CCDC86: variants seen among roughly 807,000 people sequenced by gnomAD.
CCDC86 encodes coiled-coil domain-containing protein 86.
In CCDC86, 28 loss-of-function variants were observed where a neutral mutation model predicts 36.7. The observed-to-expected ratio is 0.76, with a 90% CI of 0.57 to 1.05. The LOEUF (loss-of-function observed/expected upper bound fraction) is 1.05, where lower values mean the gene tolerates loss of function less well. CCDC86 is among the 50% of genes least tolerant of loss of function. The pLI, the probability that CCDC86 is intolerant of heterozygous loss-of-function variation, is 0.00. For missense variants in CCDC86, 453 were observed against 470.2 expected, an observed-to-expected ratio of 0.96 and a Z score of 0.34; for synonymous variants, 199 against 203.4, an observed-to-expected ratio of 0.98 and a Z score of 0.18.
chr11:60,847,135 G>A (rs1855194957), intron 1 of CCDC86, among the ~76,000 whole-genome samples: 1 of 150,762 alleles, frequency 6.6e-6, no homozygotes, highest in South Asian at 2.1e-4. Flanking sequence ...CCAGGCTGGA[G>A]TGCAGTGGCG....
chr11:60,850,272 AC>A lies in CCDC86; in HGVS notation c.1033del (p.Leu345TrpfsTer126). On this transcript the variant is annotated frameshift_variant, in exon 4 of 4. Transcript: ENST00000227520. LOFTEE classifies it high-confidence loss of function. The part of the protein sequence containing the change: ...KQLRSIEKRD[T>X]LALLQKQPPQ... ...GCTGCGCTCCATTGAGAAGCGGGAC[AC>A]CCTGGCCCTGCTGCAGAAGCAGCCG... 6.2e-7 allele frequency: 1 copy of A among 1,614,130 alleles called. No individual in the cohort carries two copies. Among genetic ancestry groups the A allele is most frequent in the Non-Finnish European group, 8.5e-7 (1 of 1,180,008 alleles).
Position 60,842,154 on chromosome 11 carries a change from G to T in CCDC86, c.30G>T (p.Arg10=), listed in dbSNP as rs760505982. 6 of 1,601,746 alleles carry T rather than the reference G, an allele frequency of 3.7e-6. No homozygotes were observed. In the African/African-American group the frequency reaches 8.1e-5, roughly 22 times the overall value. The change falls in exon 1 of 4, where the codon CGG becomes CGT. Residue 10 remains arginine (R), a synonymous_variant. Coordinates refer to ENST00000227520, the MANE Select transcript of CCDC86 (RefSeq NM_024098.4). MDTPLRRSR[R]LGGLRPESPE... ...ATACACCGTTAAGGCGCAGCCGACG[G>T]CTGGGAGGCCTAAGGCCCGAATCCC...
intron 1 of CCDC86, among the ~76,000 whole-genome samples, chr11:60,844,820 G>A (rs1855163603): frequency 6.6e-6 from 1 of 152,250 alleles, no homozygotes; most frequent in African/African-American, 2.4e-5. Context: ...AGCTGAACAA[G>A]TGGATGAATT....
At position 60,850,098 on chromosome 11, in the gene CCDC86, C is replaced by T. The variant is rs367769939; in HGVS notation, c.963+84C>T. ...CCTCGACCCCTGCCTCATGTACCCCCACTCTCATGCTACGATCTCAGGCCC... is the reference window on the plus strand; with the variant it reads ...CCTCGACCCCTGCCTCATGTACCCCTACTCTCATGCTACGATCTCAGGCCC... On this transcript the variant is annotated intron_variant, in intron 3 of 3. Coordinates refer to ENST00000227520, the MANE Select transcript of CCDC86 (RefSeq NM_024098.4). 1,104 of 1,604,926 alleles carry T rather than the reference C, an allele frequency of 6.9e-4. 14 individuals carry two copies. In the South Asian group the frequency reaches 0.011, roughly 17 times the overall value.
intron 1 of CCDC86, among the ~76,000 whole-genome samples, chr11:60,845,473 C>T (rs1036017868): frequency 1.3e-5 from 2 of 152,194 alleles, no homozygotes; most frequent in Admixed American, 6.5e-5. Flanking sequence ...AAGTCTGTGG[C>T]GAGGGGCCCA....
At chr11:60,849,269 A>G (rs1004360604) in intron 2 of CCDC86, among the ~76,000 whole-genome samples, 4 of 152,220 alleles carry the variant, frequency 2.6e-5, no homozygotes, top group Admixed American at 6.5e-5. Context: ...GGGCTGCTCC[A>G]AGTCCTGCAC....
At chr11:60,847,793 G>T in intron 1 of CCDC86, 131 bp from the exon 2 acceptor site, 2 of 1,288,370 alleles carry the variant, frequency 1.6e-6, no homozygotes, top group Non-Finnish European at 2.1e-6. Flanking sequence ...AAGGCCGCCT[G>T]TCAGGCCAGC....
intron 1 of CCDC86, among the ~76,000 whole-genome samples, chr11:60,845,363 C>A (rs1303601225): frequency 6.6e-6 from 1 of 152,216 alleles, no homozygotes; most frequent in Non-Finnish European, 1.5e-5. Flanking sequence ...TGAGATCAGC[C>A]TGGCTACTGA....
In CCDC86 at chr11:60,850,246, A is replaced by T; in HGVS notation, c.1004A>T (p.Gln335Leu). The T allele has an allele frequency of 6.2e-7, 1 of 1,614,242 alleles. No homozygotes were observed. The highest frequency in any genetic ancestry group is 8.5e-7 in the Non-Finnish European group (1 of 1,180,036). ...PAKLKRAKKK[Q>L]LRSIEKRDTL... ...AAGCTCAAGCGGGCAAAGAAGAAGC[A>T]GCTGCGCTCCATTGAGAAGCGGGAC... Residue 335 changes from glutamine (Q) to leucine (L), a missense_variant, in exon 4 of 4, where the codon CAG (glutamine) becomes CTG (leucine). By Grantham distance (113) the Gln-to-Leu change is moderately radical. Coordinates refer to ENST00000227520, the MANE Select transcript of CCDC86 (RefSeq NM_024098.4).
At chr11:60,846,912 T>C (rs1310406300) in intron 1 of CCDC86, among the ~76,000 whole-genome samples, 4 of 151,794 alleles carry the variant, frequency 2.6e-5, no homozygotes, top group African/African-American at 9.7e-5. Context: ...TATTTTAAAG[T>C]ACATCCTAGA....
chr11:60,848,468 A>G (rs1308552320), intron 2 of CCDC86, among the ~76,000 whole-genome samples: 1 of 152,062 alleles, frequency 6.6e-6, no homozygotes. Context: ...GGCTGCTGTC[A>G]TTCTCCAAGA....
Position 60,850,520 on chromosome 11 carries a change from G to C in CCDC86, c.*195G>C. On this transcript the variant is annotated 3_prime_UTR_variant, in exon 4 of 4. Transcript: ENST00000227520. The stretch of plus-strand genomic sequence containing the variant: ...TGTGTGGGACAGAAGCCCAGAGGGG[G>C]CCTGGGACCTGGCAGAGATGGGGGC... The C allele has an allele frequency of 1.6e-6, 1 of 628,424 alleles. No individual in the cohort carries two copies. Among genetic ancestry groups the C allele is most frequent in the Non-Finnish European group, 2.6e-6 (1 of 382,898 alleles). The allele number at this position is 628,424 out of a possible 1,614,324, so 38.9% of individuals were successfully genotyped here. A position where few individuals can be genotyped will look rare whatever the true frequency, so the allele number is the denominator to read the frequency against.
At chr11:60,845,161 C>T (rs142310431) in intron 1 of CCDC86, among the ~76,000 whole-genome samples, 27 of 152,220 alleles carry the variant, frequency 1.8e-4, no homozygotes, top group Non-Finnish European at 3.7e-4. Context: ...GGTATTGAGG[C>T]GGGAGCAAGC....
At position 60,842,389 on chromosome 11, in the gene CCDC86, G is replaced by T. The variant is rs1565095106; in HGVS notation, c.265G>T (p.Ala89Ser). 1.9e-6 allele frequency: 3 copies of T among 1,613,400 alleles called. No homozygotes were observed. The highest frequency in any genetic ancestry group is 4.5e-5 in the East Asian group (2 of 44,824). ...ESPQGQPEPG[A>S]ASPQRQQDLH... is the part of the protein sequence containing the mutation. The stretch of plus-strand genomic sequence containing the variant: ...ACCCCAAGGGCAGCCAGAGCCAGGC[G>T]CAGCGTCCCCCCAGCGTCAGCAAGA... The change falls in exon 1 of 4, where the codon GCA becomes TCA. Residue 89 changes from alanine (A) to serine (S), a missense_variant. Coordinates refer to ENST00000227520, the MANE Select transcript of CCDC86 (RefSeq NM_024098.4).
intron 1 of CCDC86, chr11:60,847,413 G>A (rs1855199165): frequency 6.6e-6 from 1 of 152,634 alleles, no homozygotes; most frequent in Admixed American, 6.5e-5. Context: ...GGTCTTGGCG[G>A]GGAAGATCCT....
At chr11:60,844,140 TACTC>T (rs1191087786) in intron 1 of CCDC86, among the ~76,000 whole-genome samples, 1 of 152,052 alleles carries the variant, frequency 6.6e-6, no homozygotes, top group African/African-American at 2.4e-5. Flanking sequence ...GGGGTCCTGG[TACTC>T]ACGCTGCAGG....
At chr11:60,845,551 G>A (rs537274523) in intron 1 of CCDC86, among the ~76,000 whole-genome samples, 1 of 152,364 alleles carries the variant, frequency 6.6e-6, no homozygotes, top group South Asian at 2.1e-4. Flanking sequence ...AGTGAGCCTG[G>A]AGATGGGTGG....
At chr11:60,844,184 G>A (rs1428903527) in intron 1 of CCDC86, among the ~76,000 whole-genome samples, 2 of 152,116 alleles carry the variant, frequency 1.3e-5, no homozygotes, top group Non-Finnish European at 2.9e-5. Flanking sequence ...AGCTAGAGGG[G>A]GCTGGGCCCA....
At chr11:60,848,171 G>A (rs1590574148) in intron 2 of CCDC86, 118 bp downstream of exon 2, 15 of 1,318,408 alleles carry the variant, frequency 1.1e-5, no homozygotes, top group South Asian at 2.9e-5. Flanking sequence ...GTTAAAAAAC[G>A]TTCTTGAATC....
Sources: allele counts gnomAD v4.1 joint callset (sites outside exome capture counted in the v4.1 genomes callset), GRCh38; gene constraint gnomAD v4.1.1; transcripts MANE v1.5; gene names NCBI Gene and HGNC (gene_info 2026-07-23, HGNC 2026-07-21).